LRP1B: variants seen among roughly 807,000 people sequenced by gnomAD.
The protein encoded by LRP1B is LDL receptor related protein 1B.
In LRP1B, 217 loss-of-function variants were observed where a neutral mutation model predicts 556.6. The observed-to-expected ratio is 0.39, with a 90% CI of 0.35 to 0.44. LRP1B has a LOEUF of 0.44. LRP1B is among the 20% of genes least tolerant of loss of function. LRP1B has a pLI of 1.00. For synonymous variants in LRP1B, 2,047 were observed against 1,865.8 expected (o/e 1.10, Z -2.50); for missense variants, 5,053 against 5,620.8 (o/e 0.90, Z 3.23).
intron 25 of LRP1B, among the ~76,000 whole-genome samples, chr2:140,877,823 C>T (rs1693356197): frequency 6.6e-6 from 1 of 152,096 alleles, no homozygotes; most frequent in Non-Finnish European, 1.5e-5. Context: ...TCAAACTGTC[C>T]TCCGACCACC....
At chr2:141,712,836 ATTT>A (rs1192189235) in intron 2 of LRP1B, among the ~76,000 whole-genome samples, 8 of 103,362 alleles carry the variant, frequency 7.7e-5, no homozygotes, top group Admixed American at 2.2e-4. Flanking sequence ...TGCCCAGCTA[ATTT>A]TTTTTTTTTT....
chr2:141,069,575 C>G (rs1381841266), intron 7 of LRP1B, among the ~76,000 whole-genome samples: 1 of 151,914 alleles, frequency 6.6e-6, no homozygotes, highest in Non-Finnish European at 1.5e-5. Flanking sequence ...ACTCCACGTC[C>G]CTATTCTCTA....
At chr2:141,416,446 ATTTT>A (rs34512949) in intron 3 of LRP1B, among the ~76,000 whole-genome samples, 2 of 103,428 alleles carry the variant, frequency 1.9e-5, no homozygotes, top group Admixed American at 1.1e-4. Flanking sequence ...TTTGACAGCC[ATTTT>A]TTTTTTTTTT....
In LRP1B at chr2:141,748,683, C is replaced by T. The variant is rs550435127; in HGVS notation, c.205+61596G>A. The stretch of plus-strand genomic sequence containing the variant: ...AGTTCATATGTGCTGGTGTGAGTTT[C>T]ATTTTGCATGTGCTGCTTTATCATG... On this transcript the variant is annotated intron_variant, in intron 2 of 90. Transcript: ENST00000389484. Among the ~76,000 whole-genome samples, 58 of 152,310 alleles carry T rather than the reference C, an allele frequency of 3.8e-4. 1 individual carries two copies. Among genetic ancestry groups the T allele is most frequent in the South Asian group, 1.0e-3 (5 of 4,834 alleles).
Position 140,922,986 on chromosome 2 carries a change from T to C in LRP1B, c.3298A>G (p.Lys1100Glu). ...GTIRLCDHKT[K>E]FSCWSTGRCI... is the part of the protein sequence containing the mutation. ...TTACCTGTACTCCAACAGGAAAACT[T>C]GGTTTTGTGGTCACACAATCGTATG... is the stretch of plus-strand genomic sequence containing the variant. The change falls in exon 21 of 91, where the codon AAG becomes GAG. Residue 1100 changes from lysine to glutamate, a missense_variant. Transcript: ENST00000389484. 1 of 1,612,260 alleles carries C rather than the reference T, an allele frequency of 6.2e-7. No individual in the cohort carries two copies. Among genetic ancestry groups the C allele is most frequent in the Non-Finnish European group, 8.5e-7 (1 of 1,178,958 alleles).
chr2:140,782,147 G>A (rs1021659613), intron 32 of LRP1B, among the ~76,000 whole-genome samples: 24 of 152,244 alleles, frequency 1.6e-4, no homozygotes, highest in Admixed American at 1.1e-3. Context: ...TAAGCTGTAC[G>A]TAAGCAGGGA....
intron 32 of LRP1B, among the ~76,000 whole-genome samples, chr2:140,786,606 A>AT (rs965850782): frequency 1.4e-4 from 21 of 151,718 alleles, no homozygotes; most frequent in Non-Finnish European, 2.1e-4. Flanking sequence ...TTTTCCTAAG[A>AT]TTTTTTTTTC....
intron 90 of LRP1B, among the ~76,000 whole-genome samples, chr2:140,234,121 G>A (rs1338805922): frequency 6.6e-6 from 1 of 151,188 alleles, no homozygotes; most frequent in East Asian, 2.0e-4. Flanking sequence ...TTACAACAAG[G>A]AAACATTATA....
chr2:140,933,251 C>T (rs1165068015), intron 20 of LRP1B, among the ~76,000 whole-genome samples: 2 of 151,990 alleles, frequency 1.3e-5, no homozygotes, highest in Non-Finnish European at 2.9e-5. Context: ...AAAACAAATG[C>T]TGACAGGTCA....
At chr2:140,827,339 A>C (rs1691544814) in intron 31 of LRP1B, among the ~76,000 whole-genome samples, 1 of 152,132 alleles carries the variant, frequency 6.6e-6, no homozygotes, top group Non-Finnish European at 1.5e-5. Flanking sequence ...TCAAAATGGT[A>C]GTTCTGAAGA....
At chr2:141,033,630 G>T (rs527505153) in intron 11 of LRP1B, among the ~76,000 whole-genome samples, 1 of 151,966 alleles carries the variant, frequency 6.6e-6, no homozygotes, top group African/African-American at 2.4e-5. Flanking sequence ...ATTAGGCTTA[G>T]ATGAGGTCAT....
At chr2:140,368,003 T>G (rs1682839177) in intron 71 of LRP1B, among the ~76,000 whole-genome samples, 1 of 151,726 alleles carries the variant, frequency 6.6e-6, no homozygotes, top group African/African-American at 2.4e-5. Context: ...GAAATCATAT[T>G]GTAAGAGAAA....
At chr2:140,360,141 T>C (rs1312383842) in intron 72 of LRP1B, among the ~76,000 whole-genome samples, 1 of 151,666 alleles carries the variant, frequency 6.6e-6, no homozygotes, top group African/African-American at 2.4e-5. Flanking sequence ...TTATTCTACA[T>C]TTATCAATTT....
At chr2:142,121,526 A>T (rs1707456165) in intron 1 of LRP1B, among the ~76,000 whole-genome samples, 1 of 152,160 alleles carries the variant, frequency 6.6e-6, no homozygotes, top group African/African-American at 2.4e-5. Context: ...AGGGTTGCAT[A>T]GAAAATTCCT....
intron 3 of LRP1B, among the ~76,000 whole-genome samples, chr2:141,440,434 A>T (rs909957488): frequency 2.6e-5 from 4 of 152,192 alleles, no homozygotes; most frequent in Non-Finnish European, 4.4e-5. Context: ...AGCCATTTCC[A>T]CTGCTGGGGC....
Position 141,347,788 on chromosome 2 carries a change from T to C in LRP1B, c.344-93147A>G, listed in dbSNP as rs549283686. Among the ~76,000 whole-genome samples, 5 of 152,178 alleles carry C rather than the reference T, an allele frequency of 3.3e-5. 1 individual carries two copies. The highest frequency in any genetic ancestry group is 1.2e-4 in the African/African-American group (5 of 41,522). ...TCAAGTCTACTTGTATTTTTGGTTG[T>C]AATCAGGATCTAGCAACATTTTTGT... On this transcript the variant is annotated intron_variant, in intron 3 of 90. Coordinates refer to ENST00000389484, the MANE Select transcript of LRP1B (RefSeq NM_018557.3).
rs376344264 is a variant in LRP1B, at chr2:140,932,697, ACT to A, written c.3137-9552_3137-9551del. On this transcript the variant is annotated intron_variant, in intron 20 of 90. Transcript: ENST00000389484. ...AGACCAGCCTAGGCAATATGGTGAG[ACT>A]CTGTCTCTATAATTTTTTTTTTTTT... is the stretch of plus-strand genomic sequence containing the variant. Among the ~76,000 whole-genome samples the A allele has an allele frequency of 5.3e-5, 8 of 150,020 alleles. No individual in the cohort carries two copies. In the East Asian group the frequency reaches 1.6e-3, roughly 30 times the overall value.
At chr2:141,932,375 A>C (rs1377120053) in intron 1 of LRP1B, among the ~76,000 whole-genome samples, 1 of 152,110 alleles carries the variant, frequency 6.6e-6, no homozygotes, top group Non-Finnish European at 1.5e-5. Context: ...GTAAAGCACT[A>C]TATAATACAA....
At chr2:141,977,182 T>A (rs910260473) in intron 1 of LRP1B, among the ~76,000 whole-genome samples, 3 of 152,082 alleles carry the variant, frequency 2.0e-5, no homozygotes, top group African/African-American at 7.2e-5. Context: ...TTAACAGCAT[T>A]TGAAAATTTT....
Sources: gnomAD v4.1 joint callset for allele counts (sites outside exome capture counted in the v4.1 genomes callset) on GRCh38, gnomAD v4.1.1 for gene constraint, MANE v1.5 for transcripts, NCBI Gene and HGNC (gene_info 2026-07-23, HGNC 2026-07-21) for gene names.